The following RBFOX1 variants were observed in gnomAD, a reference collection of about 807,000 sequenced individuals.
The protein encoded by RBFOX1 is RNA binding protein fox-1 homolog 1.
RBFOX1 carries 8 observed loss-of-function variants against 57.7 expected under a neutral mutation model. That is an observed-to-expected ratio of 0.14 (90% confidence interval 0.08 to 0.25). The LOEUF is 0.25. RBFOX1 is among the 10% of genes least tolerant of loss of function. The probability of loss-of-function intolerance (pLI) is 1.00; values close to 1 mark genes in which losing one functional copy is unlikely to be tolerated. For synonymous variants in RBFOX1, 326 were observed against 222.4 expected, an observed-to-expected ratio of 1.47 and a Z score of -4.15; for missense variants, 611 against 548.5, an observed-to-expected ratio of 1.11 and a Z score of -1.14.
chr16:5,994,791 C>A (rs2060463966), intron 4 of RBFOX1, among the ~76,000 whole-genome samples: 1 of 152,166 alleles, frequency 6.6e-6, no homozygotes, highest in Non-Finnish European at 1.5e-5. Flanking sequence ...TCCTCCTGGG[C>A]AAGTCTCTTT....
chr16:7,468,895 C>G (rs981689407), intron 4 of RBFOX1, among the ~76,000 whole-genome samples: 1 of 151,838 alleles, frequency 6.6e-6, no homozygotes, highest in African/African-American at 2.4e-5. Flanking sequence ...TGACCTGATT[C>G]AGGAATTTCG....
chr16:6,132,068 C>A (rs181223136), intron 1 of RBFOX1, among the ~76,000 whole-genome samples: 1 of 152,298 alleles, frequency 6.6e-6, no homozygotes, highest in East Asian at 1.9e-4. Context: ...GCTTAACACG[C>A]TTTAGTTCAC....
At chr16:5,535,539 C>T (rs993123115) in intron 2 of RBFOX1, among the ~76,000 whole-genome samples, 2 of 152,154 alleles carry the variant, frequency 1.3e-5, no homozygotes, top group Non-Finnish European at 2.9e-5. Context: ...TAGTTTCCAG[C>T]CCTAGGAATA....
intron 1 of RBFOX1, among the ~76,000 whole-genome samples, chr16:6,298,534 A>C (rs1005763899): frequency 6.6e-6 from 1 of 152,174 alleles, no homozygotes; most frequent in African/African-American, 2.4e-5. Flanking sequence ...TTCTTTTCAA[A>C]TTCAGTTGAA....
At chr16:6,985,827 T>A (rs187748954) in intron 3 of RBFOX1, among the ~76,000 whole-genome samples, 86 of 20,232 alleles carry the variant, frequency 4.3e-3, no homozygotes, top group Non-Finnish European at 6.5e-3. Flanking sequence ...GAGCGTGAGT[T>A]CATGTAAAAA....
intron 2 of RBFOX1, among the ~76,000 whole-genome samples, chr16:6,385,387 T>C (rs892610838): frequency 6.6e-6 from 1 of 152,292 alleles, no homozygotes; most frequent in Middle Eastern, 3.4e-3. Flanking sequence ...TGAGACAGAG[T>C]CTCCCTCTTT....
chr16:7,357,243 A>AC (rs2097233350), intron 4 of RBFOX1, among the ~76,000 whole-genome samples: 1 of 152,014 alleles, frequency 6.6e-6, no homozygotes, highest in African/African-American at 2.4e-5. Context: ...GGAAAAAAAA[A>AC]AAAAAATCTC....
chr16:6,873,996 T>C (rs761042531), intron 3 of RBFOX1: 1 of 152,200 alleles, frequency 6.6e-6, no homozygotes, highest in African/African-American at 2.4e-5. Context: ...GTGAAGCGTT[T>C]CATATTTTTA....
chr16:5,989,695 G>A (rs913594350), intron 4 of RBFOX1, among the ~76,000 whole-genome samples: 1 of 151,940 alleles, frequency 6.6e-6, no homozygotes, highest in Non-Finnish European at 1.5e-5. Flanking sequence ...TTTCTCTGGG[G>A]GTGGGGAAGA....
chr16:6,973,263 G>A (rs917330031), intron 3 of RBFOX1, among the ~76,000 whole-genome samples: 7 of 152,166 alleles, frequency 4.6e-5, no homozygotes, highest in Admixed American at 3.9e-4. Flanking sequence ...TTAACAGTAA[G>A]TACTTGGAAT....
Position 6,602,938 on chromosome 16 carries a change from T to G in RBFOX1, c.-63-51665T>G, listed in dbSNP as rs376945425. 4.6e-5 allele frequency among the ~76,000 whole-genome samples: 7 copies of G among 152,266 alleles called. No homozygotes were observed. In the East Asian group the frequency reaches 1.2e-3, roughly 25 times the overall value. Reference sequence around the variant, plus strand: ...CACTAATAAAACGAGAGCTGGAGATTGGGAATCCTGACTTGAGCCGGTGCT... The same window carrying G: ...CACTAATAAAACGAGAGCTGGAGATGGGGAATCCTGACTTGAGCCGGTGCT... On this transcript the variant is annotated intron_variant, in intron 2 of 15. Transcript: ENST00000550418.
chr16:5,344,830 T>A (rs2151302268), intron 1 of RBFOX1, among the ~76,000 whole-genome samples: 2 of 152,366 alleles, frequency 1.3e-5, no homozygotes, highest in South Asian at 4.1e-4. Flanking sequence ...ATAGGGCCAC[T>A]GCAGGTCATT....
intron 1 of RBFOX1, among the ~76,000 whole-genome samples, chr16:5,420,068 G>A (rs1258226787): frequency 1.3e-5 from 2 of 152,188 alleles, no homozygotes; most frequent in African/African-American, 4.8e-5. Context: ...CTGCAGAACT[G>A]TGAGAGAGCA....
At chr16:7,384,002 A>T (rs1001446709) in intron 4 of RBFOX1, among the ~76,000 whole-genome samples, 2 of 151,626 alleles carry the variant, frequency 1.3e-5, no homozygotes, top group African/African-American at 4.8e-5. Flanking sequence ...TGCAGTGAGC[A>T]GAGATCGTGC....
intron 4 of RBFOX1, among the ~76,000 whole-genome samples, chr16:7,096,527 T>C (rs1001896175): frequency 1.3e-5 from 2 of 152,118 alleles, no homozygotes; most frequent in African/African-American, 2.4e-5. Flanking sequence ...CCAATTTTCT[T>C]GCACCTGGAT....
chr16:6,772,809 T>C (rs1282912789), intron 3 of RBFOX1, among the ~76,000 whole-genome samples: 1 of 147,434 alleles, frequency 6.8e-6, no homozygotes, highest in Non-Finnish European at 1.5e-5. Context: ...TGTGTGGGCC[T>C]GGGGTGCATT....
chr16:6,878,654 C>T (rs368939434), intron 3 of RBFOX1, among the ~76,000 whole-genome samples: 15 of 152,056 alleles, frequency 9.9e-5, no homozygotes, highest in African/African-American at 2.7e-4. Context: ...TTCGTGTTAG[C>T]GTCAGTTTAA....
At chr16:5,831,751 A>G (rs1417173036) in intron 3 of RBFOX1, among the ~76,000 whole-genome samples, 1 of 152,064 alleles carries the variant, frequency 6.6e-6, no homozygotes, top group African/African-American at 2.4e-5. Context: ...TCTTTTCTTT[A>G]TAAATTACCC....
At chr16:6,132,835 A>G (rs2096638991) in intron 1 of RBFOX1, among the ~76,000 whole-genome samples, 1 of 151,968 alleles carries the variant, frequency 6.6e-6, no homozygotes. Context: ...AAAAATACCA[A>G]AATTAGCTGG....
Sources: gnomAD v4.1 joint callset for allele counts (sites outside exome capture counted in the v4.1 genomes callset) on GRCh38, gnomAD v4.1.1 for gene constraint, MANE v1.5 for transcripts, NCBI Gene and HGNC (gene_info 2026-07-23, HGNC 2026-07-21) for gene names.